Variants in SDK1 observed in about 807,000 individuals in gnomAD.
The protein encoded by SDK1 is sidekick cell adhesion molecule 1.
A neutral mutation model predicts 245.5 loss-of-function variants in SDK1; 157 were observed. The observed-to-expected ratio is 0.64, with a 90% CI of 0.56 to 0.73. SDK1 has a LOEUF of 0.73. Ranked by LOEUF, SDK1 falls within the 30% of genes least tolerant of loss-of-function variation. SDK1 has a pLI of 0.00. For synonymous variants in SDK1, 1,647 were observed against 1,278.5 expected (o/e 1.29, Z -6.15); for missense variants, 3,583 against 3,002.3 (o/e 1.19, Z -4.52).
intron 1 of SDK1, among the ~76,000 whole-genome samples, chr7:3,442,513 A>G (rs543726178): frequency 2.0e-5 from 3 of 152,356 alleles, no homozygotes; most frequent in African/African-American, 7.2e-5. Flanking sequence ...TAAGTGGAGA[A>G]TATACATTTT....
intron 4 of SDK1, among the ~76,000 whole-genome samples, chr7:3,788,552 C>G (rs1780981311): frequency 6.6e-6 from 1 of 152,146 alleles, no homozygotes. Flanking sequence ...GCCATGATTC[C>G]TATACCTTTT....
chr7:3,489,677 C>G (rs1781809250), intron 1 of SDK1, among the ~76,000 whole-genome samples: 1 of 152,048 alleles, frequency 6.6e-6, no homozygotes, highest in Non-Finnish European at 1.5e-5. Context: ...ATTTGTAATT[C>G]AGGGAAAGTT....
chr7:4,247,150 TTAATC>T (rs915310425), intron 44 of SDK1, among the ~76,000 whole-genome samples: 14 of 152,126 alleles, frequency 9.2e-5, no homozygotes, highest in African/African-American at 3.4e-4. Flanking sequence ...AAATCAATAT[TTAATC>T]TAAAATAAGT....
At chr7:4,259,732 A>C (rs2128243100) in intron 44 of SDK1, among the ~76,000 whole-genome samples, 1 of 152,320 alleles carries the variant, frequency 6.6e-6, no homozygotes, top group African/African-American at 2.4e-5. Flanking sequence ...AGTTATAAAA[A>C]AACCTTTTGA....
At position 4,126,803 on chromosome 7, in the gene SDK1, C is replaced by A. The variant is rs571630108; in HGVS notation, c.3824-578C>A. ...AAACATTCATTGAAATGGATGAATG[C>A]GATTTTCTCAGCTTTAGTTTTCTGA... On this transcript the variant is annotated intron_variant, in intron 25 of 44. Coordinates refer to ENST00000404826, the MANE Select transcript of SDK1 (RefSeq NM_152744.4). Among the ~76,000 whole-genome samples, 255 of 152,304 alleles carry A rather than the reference C, an allele frequency of 1.7e-3. 1 individual carries two copies. The highest frequency in any genetic ancestry group is 5.8e-3 in the African/African-American group (243 of 41,552).
At chr7:3,622,540 A>C (rs369552098) in intron 2 of SDK1, among the ~76,000 whole-genome samples, 1 of 152,308 alleles carries the variant, frequency 6.6e-6, no homozygotes, top group East Asian at 1.9e-4. Flanking sequence ...AAAGTGTACA[A>C]AAAACTGTTA....
chr7:3,496,913 C>T (rs1430184206), intron 1 of SDK1, among the ~76,000 whole-genome samples: 1 of 152,174 alleles, frequency 6.6e-6, no homozygotes. Context: ...CTTCAGAGGT[C>T]ACCTGATTTA....
intron 1 of SDK1, among the ~76,000 whole-genome samples, chr7:3,307,106 C>T (rs1159923363): frequency 1.3e-5 from 2 of 152,256 alleles, no homozygotes; most frequent in East Asian, 3.9e-4. Context: ...TGATTAAATA[C>T]TCCTGGTACC....
At chr7:4,238,364 G>A (rs1396494354) in intron 42 of SDK1, among the ~76,000 whole-genome samples, 3 of 151,982 alleles carry the variant, frequency 2.0e-5, no homozygotes, top group Non-Finnish European at 4.4e-5. Context: ...ACAGACGTGA[G>A]CCACGGTGCC....
chr7:3,456,345 A>C (rs1267507222), intron 1 of SDK1, among the ~76,000 whole-genome samples: 1 of 152,174 alleles, frequency 6.6e-6, no homozygotes, highest in Non-Finnish European at 1.5e-5. Context: ...AGCTCTACTG[A>C]CATAAATGTT....
intron 4 of SDK1, among the ~76,000 whole-genome samples, chr7:3,673,351 G>A (rs916031819): frequency 7.9e-5 from 12 of 152,172 alleles, no homozygotes; most frequent in African/African-American, 2.7e-4. Context: ...AGAGACAAAA[G>A]GGGAAATAAA....
chr7:3,600,867 T>G (rs965074367), intron 1 of SDK1, among the ~76,000 whole-genome samples: 2 of 152,254 alleles, frequency 1.3e-5, no homozygotes, highest in Non-Finnish European at 1.5e-5. Context: ...TTTTAAAAAT[T>G]GATTTTTAAA....
intron 40 of SDK1, among the ~76,000 whole-genome samples, chr7:4,228,817 C>T (rs688870): frequency 0.31 from 46,504 of 151,998 alleles, 7,476 homozygotes; most frequent in African/African-American, 0.39. Flanking sequence ...AGATTACAGG[C>T]GGGAGCCACT....
chr7:3,924,692 A>G (rs1222302153), intron 5 of SDK1, among the ~76,000 whole-genome samples: 1 of 152,098 alleles, frequency 6.6e-6, no homozygotes, highest in Non-Finnish European at 1.5e-5. Flanking sequence ...CCCACAACCC[A>G]TCCCTCAGAG....
intron 44 of SDK1, among the ~76,000 whole-genome samples, chr7:4,252,992 A>G (rs1362094114): frequency 2.0e-5 from 3 of 152,278 alleles, no homozygotes; most frequent in South Asian, 2.1e-4. Flanking sequence ...ATTAATATCA[A>G]TAATTCATTC....
intron 1 of SDK1, among the ~76,000 whole-genome samples, chr7:3,452,440 C>A (rs535207824): frequency 2.6e-5 from 4 of 152,296 alleles, no homozygotes; most frequent in African/African-American, 9.6e-5. Context: ...GAGCCTCTTA[C>A]TATAAACATC....
chr7:3,542,493 T>C (rs1348292504), intron 1 of SDK1, among the ~76,000 whole-genome samples: 4 of 152,156 alleles, frequency 2.6e-5, no homozygotes, highest in African/African-American at 9.7e-5. Context: ...GGGGCTGAAA[T>C]GGGAGACATC....
chr7:3,826,975 G>C (rs1779791002), intron 5 of SDK1, among the ~76,000 whole-genome samples: 1 of 152,028 alleles, frequency 6.6e-6, no homozygotes, highest in South Asian at 2.1e-4. Flanking sequence ...ACCCCACAAG[G>C]CAAAACCGGA....
At chr7:4,174,982 C>T (rs1397645976) in intron 33 of SDK1, among the ~76,000 whole-genome samples, 5 of 152,228 alleles carry the variant, frequency 3.3e-5, no homozygotes, top group African/African-American at 7.2e-5. Context: ...CCCTTGACAT[C>T]CTCGTGCCGG....
Sources: allele counts gnomAD v4.1 joint callset (sites outside exome capture counted in the v4.1 genomes callset), GRCh38; gene constraint gnomAD v4.1.1; transcripts MANE v1.5; gene names NCBI Gene and HGNC (gene_info 2026-07-23, HGNC 2026-07-21).